The following IMMP2L variants were observed in gnomAD, a reference collection of about 807,000 sequenced individuals.
IMMP2L encodes the protein inner mitochondrial membrane peptidase subunit 2.
A neutral mutation model predicts 19.3 loss-of-function variants in IMMP2L; 18 were observed. The observed-to-expected ratio is 0.93, with a 90% CI of 0.64 to 1.38. The LOEUF is 1.38. IMMP2L is among the 40% of genes most tolerant of loss of function. The pLI is 0.00. For synonymous variants in IMMP2L, 76 were observed against 73.0 expected, an observed-to-expected ratio of 1.04 and a Z score of -0.21; for missense variants, 233 against 218.2, an observed-to-expected ratio of 1.07 and a Z score of -0.43.
rs141984363 is a variant in IMMP2L at position 111,226,222 on chromosome 7, C to T, written c.239+261016G>A. ...CCGAGGCTGAAGTATGGCACAATCA[C>T]GGCTCACTGCAGTCTCGACCTCCCA... is the stretch of plus-strand genomic sequence containing the variant. On this transcript the variant is annotated intron_variant, in intron 3 of 5. Transcript: ENST00000405709. Among the ~76,000 whole-genome samples, 33 of 152,068 alleles carry T rather than the reference C, an allele frequency of 2.2e-4. No homozygotes were observed. The East Asian group carries it at 5.6e-3, about 26-fold the overall frequency.
chr7:111,208,342 T>G (rs1206699712), intron 3 of IMMP2L, among the ~76,000 whole-genome samples: 1 of 152,188 alleles, frequency 6.6e-6, no homozygotes, highest in Admixed American at 6.5e-5. Flanking sequence ...AAGAAGATTT[T>G]TACCCATAAC....
At chr7:110,715,659 T>C (rs910795181) in intron 5 of IMMP2L, among the ~76,000 whole-genome samples, 54 of 152,262 alleles carry the variant, frequency 3.5e-4, no homozygotes, top group African/African-American at 1.3e-3. Context: ...CTTTTTTGAA[T>C]TTATTAAGAC....
rs1808354691 is a variant in IMMP2L, at chr7:111,187,103, G to A, written c.240-223538C>T. The stretch of plus-strand genomic sequence containing the variant: ...AAACGTATAAATAAAATCAAAGTAA[G>A]TATTAATGTTGTCAAGGACAACTGC... On this transcript the variant is annotated intron_variant, in intron 3 of 5. Transcript: ENST00000405709. 2.0e-5 allele frequency among the ~76,000 whole-genome samples: 3 copies of A among 152,104 alleles called. No homozygotes were observed. The South Asian group carries it at 6.2e-4, about 32-fold the overall frequency.
intron 3 of IMMP2L, among the ~76,000 whole-genome samples, chr7:111,336,378 A>G (rs1396359178): frequency 6.6e-6 from 1 of 151,928 alleles, no homozygotes; most frequent in Non-Finnish European, 1.5e-5. Flanking sequence ...ATGGAAGATA[A>G]AGAAATAAAA....
intron 3 of IMMP2L, among the ~76,000 whole-genome samples, chr7:110,990,325 GATTCAA>G: frequency 6.6e-6 from 1 of 152,180 alleles, no homozygotes; most frequent in African/African-American, 2.4e-5. Context: ...CCTAGCCAAA[GATTCAA>G]ACTTAAATAT....
intron 2 of IMMP2L, among the ~76,000 whole-genome samples, chr7:111,495,570 C>T (rs1457458454): frequency 6.6e-6 from 1 of 152,078 alleles, no homozygotes; most frequent in African/African-American, 2.4e-5. Flanking sequence ...TTGTGTCTAA[C>T]CTCAAATCAT....
chr7:110,924,468 C>T lies in IMMP2L; in HGVS notation c.306-37773G>A, dbSNP rs1814634489. Among the ~76,000 whole-genome samples, 1 of 152,116 alleles carries T rather than the reference C, an allele frequency of 6.6e-6. No homozygotes were observed. Among genetic ancestry groups the T allele is most frequent in the Admixed American group, 6.6e-5 (1 of 15,260 alleles). The stretch of plus-strand genomic sequence containing the variant: ...TCTGGCCAGTCACAAGGTCCTCTTG[C>T]TGCAGGTACCAGGTTTATCCTACGT... On this transcript the variant is annotated intron_variant, in intron 4 of 5. Transcript: ENST00000405709. This position sits in a 1 kb window ranked among gnomAD's most constrained non-coding sequence, Gnocchi z 4.2.
At chr7:111,338,719 T>G (rs1327987398) in intron 3 of IMMP2L, among the ~76,000 whole-genome samples, 6 of 152,244 alleles carry the variant, frequency 3.9e-5, no homozygotes, top group African/African-American at 1.4e-4. Context: ...CTGTGAGGTA[T>G]TATTGTCTTG....
Position 110,728,061 on chromosome 7 carries a change from A to G in IMMP2L, c.409-64340T>C, listed in dbSNP as rs1171627555. ...GCCTCAATTTCTTCTTCTGAAGAACAGGGGTACCAACAATATATACTTCAT... is the reference window on the plus strand; with the variant it reads ...GCCTCAATTTCTTCTTCTGAAGAACGGGGGTACCAACAATATATACTTCAT... On this transcript the variant is annotated intron_variant, in intron 5 of 5. Coordinates refer to ENST00000405709, the MANE Select transcript of IMMP2L (RefSeq NM_032549.4). This position sits in a 1 kb window ranked among gnomAD's most constrained non-coding sequence, Gnocchi z 4.6. 6.6e-6 allele frequency among the ~76,000 whole-genome samples: 1 copy of G among 152,210 alleles called. No homozygotes were observed.
intron 3 of IMMP2L, among the ~76,000 whole-genome samples, chr7:111,036,764 G>T (rs1186834267): frequency 6.6e-6 from 1 of 152,070 alleles, no homozygotes; most frequent in African/African-American, 2.4e-5. Flanking sequence ...TTACAAACCA[G>T]ATAACTTTAT....
intron 5 of IMMP2L, among the ~76,000 whole-genome samples, chr7:110,815,299 C>A (rs1282097363): frequency 9.2e-5 from 14 of 152,114 alleles, no homozygotes. Flanking sequence ...ACCAGCCTTG[C>A]ATCCCAGGGA....
At chr7:111,068,736 A>G (rs1158747158) in intron 3 of IMMP2L, among the ~76,000 whole-genome samples, 2 of 152,216 alleles carry the variant, frequency 1.3e-5, no homozygotes, top group Non-Finnish European at 2.9e-5. Flanking sequence ...ATTTCCAACT[A>G]AAATGTAAAT....
At chr7:111,086,900 C>T (rs781427251) in intron 3 of IMMP2L, among the ~76,000 whole-genome samples, 2 of 152,196 alleles carry the variant, frequency 1.3e-5, no homozygotes, top group Non-Finnish European at 2.9e-5. Flanking sequence ...AAACTAATTC[C>T]TTTTTAAAAA....
At chr7:110,810,150 A>T (rs1220958779) in intron 5 of IMMP2L, among the ~76,000 whole-genome samples, 1 of 151,976 alleles carries the variant, frequency 6.6e-6, no homozygotes, top group Non-Finnish European at 1.5e-5. Flanking sequence ...TAGTCCTCTT[A>T]ATTTCTTTCT....
intron 3 of IMMP2L, among the ~76,000 whole-genome samples, chr7:111,279,936 G>T (rs1036767973): frequency 1.5e-4 from 23 of 152,012 alleles, no homozygotes; most frequent in African/African-American, 5.3e-4. Flanking sequence ...CATCTTTAAT[G>T]CTGACTAACC....
chr7:111,521,318 T>C lies in IMMP2L; in HGVS notation c.130A>G (p.Met44Val). ...CGAAGTTATATCATTTTCACCTGCA[T>C]CGATGCTCCTTCTACTCTTGCCACA... Reference protein sequence around the residue: ...ACVARVEGASMQPSLNPGGSQ... With the variant: ...ACVARVEGASVQPSLNPGGSQ... The change falls in exon 2 of 6, where the codon ATG becomes GTG. Residue 44 changes from methionine to valine, a missense_variant. By Grantham distance (21) the Met-to-Val change is conservative. Transcript: ENST00000405709. 6.2e-7 allele frequency: 1 copy of C among 1,611,732 alleles called. No homozygotes were observed. Among genetic ancestry groups the C allele is most frequent in the Non-Finnish European group, 8.5e-7 (1 of 1,178,806 alleles).
intron 3 of IMMP2L, among the ~76,000 whole-genome samples, chr7:111,401,645 G>T (rs534587500): frequency 6.6e-6 from 1 of 152,076 alleles, no homozygotes; most frequent in African/African-American, 2.4e-5. Context: ...TACTACTTCT[G>T]TTCAAGAGGT....
At chr7:111,137,763 A>C (rs1802487131) in intron 3 of IMMP2L, among the ~76,000 whole-genome samples, 1 of 152,214 alleles carries the variant, frequency 6.6e-6, no homozygotes, top group Admixed American at 6.5e-5. Context: ...TGAATGATTT[A>C]AGAAATTATA....
chr7:110,922,710 C>A (rs1814422376), intron 4 of IMMP2L, among the ~76,000 whole-genome samples: 1 of 152,070 alleles, frequency 6.6e-6, no homozygotes. Context: ...CTCTTTTATA[C>A]ACATGAAGCT....
Sources: allele counts gnomAD v4.1 joint callset (sites outside exome capture counted in the v4.1 genomes callset), GRCh38; gene constraint gnomAD v4.1.1; non-coding constraint Gnocchi (gnomAD v3.1); transcripts MANE v1.5; gene names NCBI Gene and HGNC (gene_info 2026-07-23, HGNC 2026-07-21).